The following GIPC1 variants were observed in gnomAD, a reference collection of about 807,000 sequenced individuals.
GIPC1 encodes PDZ domain-containing protein GIPC1.
Under a neutral mutation model 28.5 loss-of-function variants are expected in GIPC1, and 15 were observed. That is an observed-to-expected ratio of 0.53 (90% confidence interval 0.35 to 0.81). GIPC1 has a LOEUF of 0.81. Ranked by LOEUF, GIPC1 falls within the 30% of genes least tolerant of loss-of-function variation. GIPC1 has a pLI of 0.01. For synonymous variants in GIPC1, 224 were observed against 206.1 expected, an observed-to-expected ratio of 1.09 and a Z score of -0.74; for missense variants, 439 against 481.9, an observed-to-expected ratio of 0.91 and a Z score of 0.83.
chr19:14,491,397 T>A (rs1025066872), intron 3 of GIPC1, among the ~76,000 whole-genome samples: 2 of 152,060 alleles, frequency 1.3e-5, no homozygotes, highest in African/African-American at 4.8e-5. Context: ...TAGCTGGGAT[T>A]ACAGGTGCGT....
At chr19:14,491,209 T>C (rs2071966220) in intron 3 of GIPC1, among the ~76,000 whole-genome samples, 1 of 151,336 alleles carries the variant, frequency 6.6e-6, no homozygotes, top group Non-Finnish European at 1.5e-5. Flanking sequence ...TGGTGCCTCC[T>C]ATCCAATGGT....
intron 3 of GIPC1, among the ~76,000 whole-genome samples, chr19:14,484,217 C>T (rs2071790511): frequency 6.7e-6 from 1 of 148,810 alleles, no homozygotes; most frequent in South Asian, 2.1e-4. Context: ...TCACTGCAAT[C>T]TCTTGCCTCC....
chr19:14,480,125 G>A, intron 6 of GIPC1, 180 bp downstream of exon 6: 1 of 609,156 alleles, frequency 1.6e-6, no homozygotes, highest in Non-Finnish European at 2.9e-6. Flanking sequence ...CCTTCTCCCA[G>A]GCTGGGCCAA....
At chr19:14,494,242 G>A (rs1338949914) in intron 1 of GIPC1, among the ~76,000 whole-genome samples, 1 of 152,046 alleles carries the variant, frequency 6.6e-6, no homozygotes, top group Non-Finnish European at 1.5e-5. Context: ...ACAGGGGTGA[G>A]CCATGCCCCT....
Position 14,496,044 on chromosome 19 carries a change from G to GCCGCCGCCGCCGCCT in GIPC1, c.-183_-182insAGGCGGCGGCGGCGG, listed in dbSNP as rs2072072080. ...CTCGCAGAGGCCACTCACCTGCTCC[G>GCCGCCGCCGCCGCCT]CCGCCGCCGCCGCCGCCGCCGCCGC... On this transcript the variant is annotated 5_prime_UTR_variant, in exon 1 of 9. Transcript: ENST00000393033. 1 of 127,196 alleles carries GCCGCCGCCGCCGCCT rather than the reference G, an allele frequency of 7.9e-6. No individual in the cohort carries two copies. The highest frequency in any genetic ancestry group is 5.2e-5 in the African/African-American group (1 of 19,138). The allele number at this position is 127,196 out of a possible 1,614,324, so 7.9% of individuals were successfully genotyped here.
rs1330411159 is a variant in GIPC1, at chr19:14,492,900, TCA to T, written c.-164_-163del. On this transcript the variant is annotated 5_prime_UTR_variant, in exon 2 of 9. It introduces an in-frame stop codon into an upstream open reading frame of the 5' UTR. Transcript: ENST00000393033. ...GCAAGTCACTTCACATCACAGGGCC[TCA>T]GTTTCTTCATCTGAAAAATGGGTGG... The T allele has an allele frequency of 6.6e-6, 1 of 152,302 alleles. No individual in the cohort carries two copies. The highest frequency in any genetic ancestry group is 1.9e-4 in the East Asian group (1 of 5,194). The allele number at this position is 152,302 out of a possible 1,614,324, so 9.4% of individuals were successfully genotyped here. A position where few individuals can be genotyped will look rare whatever the true frequency, so the allele number is the denominator to read the frequency against.
At position 14,480,923 on chromosome 19, in the gene GIPC1, A is replaced by ACGGC; in HGVS notation, c.289-146_289-145insGCCG. ...CACCCACTGAGCCTGAGCCAGGGCC[A>ACGGC]CAGCAGGGCCCACATTAGCGTGTCA... On this transcript the variant is annotated intron_variant, in intron 4 of 8. Coordinates refer to ENST00000393033, the MANE Select transcript of GIPC1 (RefSeq NM_005716.4). 3 of 631,274 alleles carry ACGGC rather than the reference A, an allele frequency of 4.8e-6. No individual in the cohort carries two copies. The East Asian group carries it at 8.2e-5, about 17-fold the overall frequency. The allele number at this position is 631,274 out of a possible 1,614,324, so 39.1% of individuals were successfully genotyped here.
rs536277834 is a variant in GIPC1, at chr19:14,478,408, G to A, written c.*8C>T. On this transcript the variant is annotated 3_prime_UTR_variant, in exon 9 of 9. Coordinates refer to ENST00000393033, the MANE Select transcript of GIPC1 (RefSeq NM_005716.4). This position sits in a 1 kb window ranked among gnomAD's most constrained non-coding sequence, Gnocchi z 5.2. ...CCCGGGTCATCATCGCAGGGTCCGG[G>A]GGCAGTCCTAGTAGCGGCCGACCTT... is the stretch of plus-strand genomic sequence containing the variant. 4.5e-5 allele frequency: 72 copies of A among 1,603,256 alleles called. No individual in the cohort carries two copies. The highest frequency in any genetic ancestry group is 5.9e-5 in the Non-Finnish European group (69 of 1,175,438).
chr19:14,491,927 G>A (rs1276780141), intron 2 of GIPC1, among the ~76,000 whole-genome samples, 184 bp from the exon 3 acceptor site: 3 of 152,110 alleles, frequency 2.0e-5, no homozygotes, highest in Admixed American at 2.0e-4. Flanking sequence ...AATTAGCCAG[G>A]CGTGGTGGCG....
intron 1 of GIPC1, among the ~76,000 whole-genome samples, chr19:14,493,482 G>T (rs1449277622): frequency 6.6e-6 from 1 of 151,234 alleles, no homozygotes; most frequent in Non-Finnish European, 1.5e-5. Context: ...TTTCGAGATG[G>T]AGTCTTGCTC....
rs1174541092 is a variant in GIPC1 at position 14,479,515 on chromosome 19, C to T, written c.665G>A (p.Ser222Asn). 1.4e-6 allele frequency: 2 copies of T among 1,436,986 alleles called. No individual in the cohort carries two copies. The highest frequency in any genetic ancestry group is 1.8e-6 in the Non-Finnish European group (2 of 1,096,238). 89.0% of individuals were successfully genotyped at this position (1,436,986 alleles called of 1,614,324 possible). The change falls in exon 7 of 9, where the codon AGC becomes AAC. Residue 222 changes from serine to asparagine, a missense_variant. Transcript: ENST00000393033. ...TEPRKAFDMI[S>N]QRSAGGRPGS... is the part of the protein sequence containing the mutation. ...AGGGCGGCCACCCGCTGAACGCTGG[C>T]TGATCATGTCTGTGGGAGGCAGGAG... is the stretch of plus-strand genomic sequence containing the variant.
In GIPC1 at chr19:14,480,632, G is replaced by C. The variant is rs527975782; in HGVS notation, c.435C>G (p.Leu145=). The C allele has an allele frequency of 6.2e-7, 1 of 1,614,090 alleles. No homozygotes were observed. The highest frequency in any genetic ancestry group is 1.3e-5 in the African/African-American group (1 of 74,930). The change falls in exon 5 of 9, where the codon CTC becomes CTG. Residue 145 remains leucine, a synonymous_variant. Transcript: ENST00000393033. ...EVFKSEDALG[L]TITDNGAGYA... ...AGCCAGCCCCGTTGTCCGTGATGGT[G>C]AGCCCGAGTGCATCCTCCGACTTGA...
rs140553363 is a variant in GIPC1, at chr19:14,481,590, G to A, written c.289-812C>T. Among the ~76,000 whole-genome samples, 1,073 of 151,854 alleles carry A rather than the reference G, an allele frequency of 7.1e-3. 16 individuals are homozygous for A. Among genetic ancestry groups the A allele is most frequent in the African/African-American group, 0.024 (976 of 41,406 alleles). ...ACAAAAATTAGCTGGGTCTGGTGGC[G>A]GGCGCCTGTAATCCCAGCTACTCGG... On this transcript the variant is annotated intron_variant, in intron 4 of 8. Coordinates refer to ENST00000393033, the MANE Select transcript of GIPC1 (RefSeq NM_005716.4).
chr19:14,489,412 T>C (rs372747727), intron 3 of GIPC1: 10 of 806,328 alleles, frequency 1.2e-5, no homozygotes, highest in Non-Finnish European at 2.0e-5. Context: ...CCCTCCTGAG[T>C]TGAAAAAATT....
Position 14,478,390 on chromosome 19 carries a change from C to A in GIPC1, c.*26G>T. On this transcript the variant is annotated 3_prime_UTR_variant, in exon 9 of 9. Transcript: ENST00000393033. The surrounding 1 kb of genome is among the most constrained non-coding windows in gnomAD (Gnocchi z 5.2). ...GGCCCCCACCAGGTTGCGCCCGGGT[C>A]ATCATCGCAGGGTCCGGGGGCAGTC... is the stretch of plus-strand genomic sequence containing the variant. 1 of 1,581,090 alleles carries A rather than the reference C, an allele frequency of 6.3e-7. No individual in the cohort carries two copies.
chr19:14,480,347 G>GGCCTC lies in GIPC1; in HGVS notation c.608_612dup (p.Arg205GlufsTer7). Reference sequence around the variant, plus strand: ...TCCGTGAGCTTCAGCGTGAAGGTACGGCCTCGGGGCAGCTCCTTGAGCAGC... The same window carrying GGCCTC: ...TCCGTGAGCTTCAGCGTGAAGGTACGGCCTCGCCTCGGGGCAGCTCCTTGAGCAGC... On this transcript the variant is annotated frameshift_variant, in exon 6 of 9. Coordinates refer to ENST00000393033, the MANE Select transcript of GIPC1 (RefSeq NM_005716.4). LOFTEE classifies it high-confidence loss of function. 6.2e-7 allele frequency: 1 copy of GGCCTC among 1,611,942 alleles called. No individual in the cohort carries two copies. Among genetic ancestry groups the GGCCTC allele is most frequent in the South Asian group, 1.1e-5 (1 of 91,008 alleles).
intron 3 of GIPC1, chr19:14,489,634 C>T: frequency 9.4e-7 from 1 of 1,067,920 alleles, no homozygotes; most frequent in Non-Finnish European, 1.5e-6. Flanking sequence ...GGCTGTTCAG[C>T]AGAGAAACCC....
chr19:14,487,685 CTT>C (rs34048955), intron 3 of GIPC1, among the ~76,000 whole-genome samples: 1 of 130,428 alleles, frequency 7.7e-6, no homozygotes. Context: ...CTTTATTTTC[CTT>C]TTTTTTTTTG....
chr19:14,492,023 G>A (rs1193587122), intron 2 of GIPC1, among the ~76,000 whole-genome samples: 1 of 151,938 alleles, frequency 6.6e-6, no homozygotes, highest in Admixed American at 6.6e-5. Context: ...AGCCAAGATC[G>A]TGCCACTGCA....
Sources: allele counts gnomAD v4.1 joint callset (sites outside exome capture counted in the v4.1 genomes callset), GRCh38; gene constraint gnomAD v4.1.1; non-coding constraint Gnocchi (gnomAD v3.1); transcripts MANE v1.5; gene names NCBI Gene and HGNC (gene_info 2026-07-23, HGNC 2026-07-21).